The following MAP2K5 variants were observed in gnomAD, a reference collection of about 807,000 sequenced individuals.
MAP2K5 encodes dual specificity mitogen-activated protein kinase kinase 5.
Under a neutral mutation model 83.1 loss-of-function variants are expected in MAP2K5, and 49 were observed. That is an observed-to-expected ratio of 0.59 (90% confidence interval 0.47 to 0.75). The LOEUF (loss-of-function observed/expected upper bound fraction) is 0.75, where lower values mean the gene tolerates loss of function less well. Among genes scored for constraint, MAP2K5 ranks in the 30% least tolerant of loss-of-function variants. MAP2K5 has a pLI of 0.00. For missense variants in MAP2K5, 457 were observed against 557.5 expected, an observed-to-expected ratio of 0.82 and a Z score of 1.82; for synonymous variants, 202 against 191.8, an observed-to-expected ratio of 1.05 and a Z score of -0.44.
At chr15:67,761,498 C>A (rs2089948477) in intron 19 of MAP2K5, among the ~76,000 whole-genome samples, 2 of 152,212 alleles carry the variant, frequency 1.3e-5, no homozygotes, top group African/African-American at 2.4e-5. Context: ...TGTTTCCCCC[C>A]TTATCTGTAG....
chr15:67,796,703 C>A (rs1332952066), intron 21 of MAP2K5, among the ~76,000 whole-genome samples: 1 of 152,000 alleles, frequency 6.6e-6, no homozygotes, highest in Non-Finnish European at 1.5e-5. Context: ...GGTTTGGAAT[C>A]ATATTCTGTT....
intron 13 of MAP2K5, among the ~76,000 whole-genome samples, chr15:67,666,955 G>A (rs944806702): frequency 2.0e-5 from 3 of 152,166 alleles, no homozygotes; most frequent in Non-Finnish European, 2.9e-5. Context: ...TAAATATCCT[G>A]TGGTAATACA....
chr15:67,659,378 A>G (rs2141142641), intron 12 of MAP2K5: 1 of 152,512 alleles, frequency 6.6e-6, no homozygotes, highest in East Asian at 1.9e-4. Flanking sequence ...GCTGATTTTC[A>G]CATTCATTAT....
intron 16 of MAP2K5, among the ~76,000 whole-genome samples, chr15:67,711,128 C>G (rs1172782726): frequency 6.6e-6 from 1 of 152,186 alleles, no homozygotes; most frequent in Non-Finnish European, 1.5e-5. Flanking sequence ...AAATATGATT[C>G]TCTCATAATC....
intron 3 of MAP2K5, among the ~76,000 whole-genome samples, chr15:67,575,483 G>A (rs2085035898): frequency 6.6e-6 from 1 of 152,170 alleles, no homozygotes; most frequent in Non-Finnish European, 1.5e-5. Context: ...TGAAAGATCA[G>A]AGGATATAAC....
At chr15:67,549,888 T>TAAGTGTGATTATGA in intron 1 of MAP2K5, 146 bp from the exon 2 acceptor site, 1 of 625,282 alleles carries the variant, frequency 1.6e-6, no homozygotes, top group Non-Finnish European at 2.9e-6. Context: ...GTTGCTGGGC[T>TAAGTGTGATTATGA]AAGTGTGATT....
rs139434143 is a variant in MAP2K5, at chr15:67,717,625, G to A, written c.1045-10291G>A. Among the ~76,000 whole-genome samples, 148 of 152,280 alleles carry A rather than the reference G, an allele frequency of 9.7e-4. 2 individuals are homozygous for A. The highest frequency in any genetic ancestry group is 2.6e-3 in the African/African-American group (107 of 41,554). On this transcript the variant is annotated intron_variant, in intron 16 of 21. Coordinates refer to ENST00000178640, the MANE Select transcript of MAP2K5 (RefSeq NM_145160.3). This position sits in a 1 kb window ranked among gnomAD's most constrained non-coding sequence, Gnocchi z 4.1. The stretch of plus-strand genomic sequence containing the variant: ...ATTTACTCAGGATTCTGTGGGTCAG[G>A]AATCCTAGCAAGGCCCAGCCATTCT...
intron 6 of MAP2K5, 98 bp from the exon 7 acceptor site, chr15:67,592,828 C>G: frequency 3.8e-6 from 3 of 796,178 alleles, no homozygotes; most frequent in Non-Finnish European, 4.2e-6. Flanking sequence ...ATGCTCAATC[C>G]CTATATGTAA....
chr15:67,680,650 T>C (rs2414976), intron 13 of MAP2K5, among the ~76,000 whole-genome samples: 149,630 of 152,336 alleles, frequency 0.98, 73,555 homozygotes, highest in Middle Eastern at 1. Flanking sequence ...CTCACTGATA[T>C]TTTTCTAATA....
chr15:67,578,877 T>C (rs917879204), intron 3 of MAP2K5, among the ~76,000 whole-genome samples: 2 of 152,210 alleles, frequency 1.3e-5, no homozygotes, highest in Non-Finnish European at 2.9e-5. Flanking sequence ...TTGAGGTTAT[T>C]TGTTTTCAAA....
Position 67,580,788 on chromosome 15 carries a change from G to A in MAP2K5, c.287G>A (p.Gly96Glu), listed in dbSNP as rs532534784. Reference sequence around the variant, plus strand: ...ACAGTAATGGAACAGCAAGTAAATGGACAGTTAATAGAGCCTCTGCAGATA... The same window carrying A: ...ACAGTAATGGAACAGCAAGTAAATGAACAGTTAATAGAGCCTCTGCAGATA... ...YSTVMEQQVN[G>E]QLIEPLQIFP... Residue 96 changes from glycine to glutamate, a missense_variant, in exon 4 of 22, where the codon GGA (glycine) becomes GAA (glutamate). Coordinates refer to ENST00000178640, the MANE Select transcript of MAP2K5 (RefSeq NM_145160.3). The A allele has an allele frequency of 2.7e-5, 44 of 1,609,502 alleles. No homozygotes were observed. Among genetic ancestry groups the A allele is most frequent in the Non-Finnish European group, 3.5e-5 (41 of 1,176,832 alleles).
At position 67,585,076 on chromosome 15, in the gene MAP2K5, CAA is replaced by C. The variant is rs59012209; in HGVS notation, c.323-796_323-795del. Reference sequence around the variant, plus strand: ...ACGACATGTACATCTGAGAGAGGAGCAAAAAAAAAAAAAAAAAAATCAAATTA... The same window carrying C: ...ACGACATGTACATCTGAGAGAGGAGCAAAAAAAAAAAAAAAAATCAAATTA... On this transcript the variant is annotated intron_variant, in intron 4 of 21. Transcript: ENST00000178640. Among the ~76,000 whole-genome samples the C allele has an allele frequency of 5.5e-4, 67 of 122,160 alleles. No individual in the cohort carries two copies. The East Asian group carries it at 7.9e-3, about 14-fold the overall frequency. The allele number at this position is 122,160 out of a possible 152,430, so 80.1% of individuals were successfully genotyped here.
intron 2 of MAP2K5, among the ~76,000 whole-genome samples, chr15:67,550,777 CTTTT>C (rs11334748): frequency 7.4e-6 from 1 of 135,712 alleles, no homozygotes. Context: ...TTTCTTTTTT[CTTTT>C]TTTTTTTTGC....
intron 17 of MAP2K5, among the ~76,000 whole-genome samples, chr15:67,745,363 A>G (rs1243160282): frequency 6.6e-6 from 1 of 152,266 alleles, no homozygotes; most frequent in East Asian, 1.9e-4. Context: ...TCACAAAGCC[A>G]ACATTTTATA....
chr15:67,626,140 T>C lies in MAP2K5; in HGVS notation c.546-4748T>C, dbSNP rs76759946. 5.6e-3 allele frequency among the ~76,000 whole-genome samples: 856 copies of C among 152,352 alleles called. 7 individuals are homozygous for C. Among genetic ancestry groups the C allele is most frequent in the African/African-American group, 0.02 (823 of 41,584 alleles). On this transcript the variant is annotated intron_variant, in intron 8 of 21. Transcript: ENST00000178640. ...AAGTTGGAATTGGAAGAATCTGTGATGTGGAGGGGGAAAAATAATATATCA... is the reference window on the plus strand; with the variant it reads ...AAGTTGGAATTGGAAGAATCTGTGACGTGGAGGGGGAAAAATAATATATCA...
rs1450460825 is a variant in MAP2K5, at chr15:67,702,222, A to G, written c.973-1115A>G. On this transcript the variant is annotated intron_variant, in intron 15 of 21. Coordinates refer to ENST00000178640, the MANE Select transcript of MAP2K5 (RefSeq NM_145160.3). The surrounding 1 kb of genome is among the most constrained non-coding windows in gnomAD (Gnocchi z 4.6). Reference sequence around the variant, plus strand: ...CTCATCTGTTAAATGGTGATGATAAAATAGTACCAATATTACATGGATGTT... The same window carrying G: ...CTCATCTGTTAAATGGTGATGATAAGATAGTACCAATATTACATGGATGTT... 6.6e-6 allele frequency among the ~76,000 whole-genome samples: 1 copy of G among 152,238 alleles called. No individual in the cohort carries two copies. The highest frequency in any genetic ancestry group is 1.9e-4 in the East Asian group (1 of 5,200).
At chr15:67,624,652 G>A (rs1168138044) in intron 8 of MAP2K5, among the ~76,000 whole-genome samples, 2 of 144,238 alleles carry the variant, frequency 1.4e-5, no homozygotes, top group South Asian at 2.3e-4. Flanking sequence ...TGTGTTTGAC[G>A]GAGTTTCGCT....
intron 21 of MAP2K5, among the ~76,000 whole-genome samples, chr15:67,789,777 C>T (rs1378795585): frequency 6.6e-6 from 1 of 151,224 alleles, no homozygotes; most frequent in African/African-American, 2.4e-5. Context: ...TGAGGATTAA[C>T]ACTTCTTTCA....
In MAP2K5 at chr15:67,638,442, T is replaced by A. The variant is rs2086649301; in HGVS notation, c.585+7515T>A. Among the ~76,000 whole-genome samples, 1 of 152,256 alleles carries A rather than the reference T, an allele frequency of 6.6e-6. No individual in the cohort carries two copies. The highest frequency in any genetic ancestry group is 2.4e-5 in the African/African-American group (1 of 41,464). On this transcript the variant is annotated intron_variant, in intron 9 of 21. Coordinates refer to ENST00000178640, the MANE Select transcript of MAP2K5 (RefSeq NM_145160.3). This position sits in a 1 kb window ranked among gnomAD's most constrained non-coding sequence, Gnocchi z 4.5. Reference sequence around the variant, plus strand: ...ACTGCATAGTATTCCATGGTGTGTATGTACCACATTTTCTTTATCCAGTCT... The same window carrying A: ...ACTGCATAGTATTCCATGGTGTGTAAGTACCACATTTTCTTTATCCAGTCT...
Sources: gnomAD v4.1 joint callset for allele counts (sites outside exome capture counted in the v4.1 genomes callset) on GRCh38, gnomAD v4.1.1 for gene constraint, Gnocchi (gnomAD v3.1) non-coding constraint, MANE v1.5 for transcripts, NCBI Gene and HGNC (gene_info 2026-07-23, HGNC 2026-07-21) for gene names.